Variants in CDKN2A observed in about 807,000 individuals in gnomAD.
CDKN2A encodes the protein cyclin dependent kinase inhibitor 2A.
In CDKN2A, 3 loss-of-function variants were observed where a neutral mutation model predicts 11.1. The ratio of observed to expected loss-of-function variants is 0.27; its 90% CI spans 0.12 to 0.70. The LOEUF is 0.70. CDKN2A is among the 30% of genes least tolerant of loss of function. The pLI is 0.77. For synonymous variants in CDKN2A, 122 were observed against 108.1 expected (o/e 1.13, Z -0.80); for missense variants, 265 against 233.6 (o/e 1.13, Z -0.88).
intron 2 of CDKN2A, chr9:21,989,759 C>T (rs970329522): frequency 6.6e-6 from 1 of 152,292 alleles, no homozygotes; most frequent in Non-Finnish European, 1.5e-5. Context: ...CAGACTCTGT[C>T]TGCTCCCACC....
At chr9:21,975,411 A>G (rs565489817), upstream of CDKN2A, among the ~76,000 whole-genome samples, 15 of 151,790 alleles carry the variant, frequency 9.9e-5, no homozygotes, top group Non-Finnish European at 2.2e-4. Flanking sequence ...ATTCTTTCCT[A>G]GTTGTGAGAG....
chr9:21,969,324 G>C (rs1379290840), intron 2 of CDKN2A, among the ~76,000 whole-genome samples: 1 of 152,168 alleles, frequency 6.6e-6, no homozygotes, highest in Admixed American at 6.5e-5. Flanking sequence ...GGAGTTTGAG[G>C]CTGCAGTGAG....
At chr9:21,975,357 G>C (rs1819996690), upstream of CDKN2A, among the ~76,000 whole-genome samples, 1 of 152,038 alleles carries the variant, frequency 6.6e-6, no homozygotes, top group South Asian at 2.1e-4. Flanking sequence ...GGTGTCATAG[G>C]GAAAGTATGG....
intron 2 of CDKN2A, among the ~76,000 whole-genome samples, chr9:21,987,423 A>G (rs1410158271): frequency 1.6e-5 from 2 of 121,700 alleles, no homozygotes; most frequent in South Asian, 3.1e-4. Flanking sequence ...ACACACACAC[A>G]CACACACACA....
chr9:21,982,756 T>C (rs1472941276), intron 2 of CDKN2A, among the ~76,000 whole-genome samples: 1 of 152,038 alleles, frequency 6.6e-6, no homozygotes, highest in Non-Finnish European at 1.5e-5. Context: ...ATAATGGCTA[T>C]CATTTTTTCA....
chr9:21,971,258 G>T (rs1819732696), intron 1 of CDKN2A, 50 bp from the exon 2 acceptor site: 1 of 1,570,938 alleles, frequency 6.4e-7, no homozygotes, highest in East Asian at 2.3e-5. Flanking sequence ...CCGGCATGAC[G>T]GAAAGGAAGC....
Position 21,973,423 on chromosome 9 carries a change from G to A in CDKN2A, c.150+1255C>T, listed in dbSNP as rs2811708. ...CCCCTTTTCTACATGTTCTTCTCCC[G>A]TCTCCATTAAAAATTGTCAAAACTA... On this transcript the variant is annotated intron_variant, in intron 1 of 2. Coordinates refer to ENST00000304494, the MANE Select transcript of CDKN2A (RefSeq NM_000077.5). Among the ~76,000 whole-genome samples the A allele has an allele frequency of 3.5e-4, 53 of 151,922 alleles. No individual in the cohort carries two copies. The highest frequency in any genetic ancestry group is 2.5e-3 in the South Asian group (12 of 4,816).
At position 21,991,694 on chromosome 9, in the gene CDKN2A, A is replaced by G. The variant is rs746488570; in HGVS notation, c.-4+2188T>C. 2 of 982,538 alleles carry G rather than the reference A, an allele frequency of 2.0e-6. No individual in the cohort carries two copies. Among genetic ancestry groups the G allele is most frequent in the Non-Finnish European group, 2.4e-6 (2 of 827,278 alleles). The allele number at this position is 982,538 out of a possible 1,614,324, so 60.9% of individuals were successfully genotyped here. ...TGGAATAATAGATCTGTAAACCATC[A>G]TAGACGGTAATAGGCTATGTTGTTG... On this transcript the variant is annotated intron_variant, in intron 2 of 3. Coordinates refer to the CDKN2A transcript ENST00000494262. This position sits in a 1 kb window ranked among gnomAD's most constrained non-coding sequence, Gnocchi z 5.2.
At chr9:21,978,877 A>G (rs1181482404), upstream of CDKN2A, among the ~76,000 whole-genome samples, 1 of 152,202 alleles carries the variant, frequency 6.6e-6, no homozygotes, top group African/African-American at 2.4e-5. Flanking sequence ...ACTTTTATCA[A>G]AGTTACTCAA....
chr9:21,969,949 T>C (rs1819623432), intron 2 of CDKN2A, among the ~76,000 whole-genome samples: 1 of 152,146 alleles, frequency 6.6e-6, no homozygotes, highest in Admixed American at 6.5e-5. Context: ...AGCTCCCCTA[T>C]GGCCCAAGGA....
upstream of CDKN2A, among the ~76,000 whole-genome samples, chr9:21,978,775 G>A (rs1820101426): frequency 6.6e-6 from 1 of 152,172 alleles, no homozygotes; most frequent in Admixed American, 6.5e-5. Flanking sequence ...GCAGACATGG[G>A]GTGGGGGCAG....
rs1162962143 is a variant in CDKN2A at position 21,968,643 on chromosome 9, G to A, written c.458-401C>T. The A allele has an allele frequency of 6.5e-7, 1 of 1,530,692 alleles. No individual in the cohort carries two copies. The highest frequency in any genetic ancestry group is 2.4e-5 in the East Asian group (1 of 40,864). The allele number at this position is 1,530,692 out of a possible 1,614,324, so 94.8% of individuals were successfully genotyped here. ...GCATCCCCAGGCATCTTTTGCACCTGGTGCGGAGTGAGCCAGCCAGCTTGC... is the reference window on the plus strand; with the variant it reads ...GCATCCCCAGGCATCTTTTGCACCTAGTGCGGAGTGAGCCAGCCAGCTTGC... On this transcript the variant is annotated intron_variant, in intron 2 of 2. Coordinates refer to ENST00000304494, the MANE Select transcript of CDKN2A (RefSeq NM_000077.5). This position sits in a 1 kb window ranked among gnomAD's most constrained non-coding sequence, Gnocchi z 4.7.
intron 2 of CDKN2A, among the ~76,000 whole-genome samples, chr9:21,983,182 G>A (rs1358570109): frequency 6.6e-6 from 1 of 152,046 alleles, no homozygotes; most frequent in Non-Finnish European, 1.5e-5. Flanking sequence ...AAAGTCCCCT[G>A]AAAGTCACTT....
intron 2 of CDKN2A, chr9:21,969,673 T>G (rs1399862147): frequency 2.5e-6 from 1 of 398,372 alleles, no homozygotes; most frequent in Non-Finnish European, 4.4e-6. Flanking sequence ...CTCAGGCTTT[T>G]TGCTCAGCCC....
chr9:21,970,182 G>T (rs1200484212), intron 2 of CDKN2A: 1 of 243,734 alleles, frequency 4.1e-6, no homozygotes, highest in African/African-American at 2.2e-5. Context: ...GCGGAGGGAG[G>T]ATGCTTTGAG....
intron 1 of CDKN2A, chr9:21,994,698 C>G: frequency 3.8e-6 from 1 of 262,194 alleles, no homozygotes; most frequent in East Asian, 6.5e-5. Context: ...GCCCCCACCC[C>G]CACCACCATC....
intron 2 of CDKN2A, among the ~76,000 whole-genome samples, chr9:21,969,009 C>A (rs989353969): frequency 1.3e-5 from 2 of 152,204 alleles, no homozygotes; most frequent in Non-Finnish European, 2.9e-5. Flanking sequence ...GCATTAGATT[C>A]TCCGACCACT....
intron 2 of CDKN2A, among the ~76,000 whole-genome samples, chr9:21,980,937 C>T (rs1243335221): frequency 8.6e-6 from 1 of 116,244 alleles, no homozygotes; most frequent in Non-Finnish European, 1.8e-5. Context: ...CCAGCCTGGG[C>T]AACAGAGCGA....
At chr9:21,989,299 T>G (rs184262515) in intron 2 of CDKN2A, 1 of 152,324 alleles carries the variant, frequency 6.6e-6, no homozygotes, top group East Asian at 1.9e-4. Flanking sequence ...TTCCCAAGGT[T>G]TTCTCCATCG....
Sources: gnomAD v4.1 joint callset for allele counts (sites outside exome capture counted in the v4.1 genomes callset) on GRCh38, gnomAD v4.1.1 for gene constraint, Gnocchi (gnomAD v3.1) non-coding constraint, MANE v1.5 for transcripts, NCBI Gene and HGNC (gene_info 2026-07-23, HGNC 2026-07-21) for gene names.